The following MAD1L1 variants were observed in gnomAD, a reference collection of about 807,000 sequenced individuals.
The protein encoded by MAD1L1 is mitotic spindle assembly checkpoint protein MAD1.
MAD1L1 carries 95 observed loss-of-function variants against 96.9 expected under a neutral mutation model. The observed-to-expected ratio is 0.98, with a 90% CI of 0.83 to 1.16. The LOEUF (loss-of-function observed/expected upper bound fraction) is 1.16, where lower values mean the gene tolerates loss of function less well. Among genes scored for constraint, MAD1L1 ranks in the 50% most tolerant of loss-of-function variants. The pLI, the probability that MAD1L1 is intolerant of heterozygous loss-of-function variation, is 0.00. For synonymous variants in MAD1L1, 473 were observed against 396.6 expected, an observed-to-expected ratio of 1.19 and a Z score of -2.29; for missense variants, 1,007 against 954.4, an observed-to-expected ratio of 1.06 and a Z score of -0.73.
At chr7:2,169,006 A>C (rs543602037) in intron 10 of MAD1L1, among the ~76,000 whole-genome samples, 1 of 152,320 alleles carries the variant, frequency 6.6e-6, no homozygotes, top group African/African-American at 2.4e-5. Flanking sequence ...TGAGTTACTA[A>C]ATGTGTTTTA....
chr7:2,122,003 T>G (rs1234346163), intron 11 of MAD1L1, among the ~76,000 whole-genome samples: 14 of 151,916 alleles, frequency 9.2e-5, no homozygotes, highest in Admixed American at 9.2e-4. Context: ...GTGTTAAAAG[T>G]AGCTTCTGGG....
chr7:2,016,935 C>T (rs917057540), intron 12 of MAD1L1, among the ~76,000 whole-genome samples: 4 of 152,272 alleles, frequency 2.6e-5, no homozygotes, highest in Non-Finnish European at 4.4e-5. Flanking sequence ...AGTACCAACG[C>T]GCGGACGCCG....
At chr7:2,053,219 G>A (rs772519374) in intron 12 of MAD1L1, among the ~76,000 whole-genome samples, 13 of 152,238 alleles carry the variant, frequency 8.5e-5, no homozygotes, top group Non-Finnish European at 1.5e-4. Flanking sequence ...CTACCTGGTA[G>A]CAGGCCCTTC....
At chr7:2,054,283 A>G (rs1458635521) in intron 12 of MAD1L1, among the ~76,000 whole-genome samples, 1 of 152,208 alleles carries the variant, frequency 6.6e-6, no homozygotes, top group Non-Finnish European at 1.5e-5. Flanking sequence ...TCCAAACTCC[A>G]CGCACCTGAG....
At chr7:2,053,971 C>G (rs1390063308) in intron 12 of MAD1L1, among the ~76,000 whole-genome samples, 1 of 152,250 alleles carries the variant, frequency 6.6e-6, no homozygotes, top group African/African-American at 2.4e-5. Flanking sequence ...GATGACACAC[C>G]TGCCACCAGC....
intron 14 of MAD1L1, among the ~76,000 whole-genome samples, chr7:2,000,369 C>A (rs1781738366): frequency 6.6e-6 from 1 of 152,192 alleles, no homozygotes; most frequent in Admixed American, 6.5e-5. Flanking sequence ...AGCAGCCAGG[C>A]ATCCTTTACG....
intron 10 of MAD1L1, among the ~76,000 whole-genome samples, chr7:2,201,082 C>T (rs927000492): frequency 6.6e-6 from 1 of 152,146 alleles, no homozygotes; most frequent in African/African-American, 2.4e-5. Context: ...CCCAGGTGAT[C>T]CTGTAGAGGT....
chr7:2,104,172 T>C (rs1321610774), intron 11 of MAD1L1, among the ~76,000 whole-genome samples: 1 of 152,056 alleles, frequency 6.6e-6, no homozygotes, highest in Non-Finnish European at 1.5e-5. Flanking sequence ...GGGCCTCCAT[T>C]TGGGGAACCA....
intron 18 of MAD1L1, among the ~76,000 whole-genome samples, chr7:1,824,227 C>T (rs1306399109): frequency 6.6e-6 from 1 of 152,178 alleles, no homozygotes; most frequent in Non-Finnish European, 1.5e-5. Context: ...CCTCTTACAC[C>T]ACCTGCTTGT....
At chr7:1,898,456 G>A (rs1310968459) in intron 17 of MAD1L1, 66 bp from the exon 18 acceptor site, 19 of 1,451,026 alleles carry the variant, frequency 1.3e-5, no homozygotes, top group East Asian at 2.3e-5. Flanking sequence ...ACCCGGGAGC[G>A]GCCAGGGCAG....
intron 10 of MAD1L1, among the ~76,000 whole-genome samples, chr7:2,206,069 T>C (rs1372012092): frequency 1.3e-5 from 2 of 152,090 alleles, no homozygotes; most frequent in Non-Finnish European, 2.9e-5. Flanking sequence ...GAGGCGGAGG[T>C]TGCAGTGAGC....
intron 18 of MAD1L1, among the ~76,000 whole-genome samples, chr7:1,856,021 G>T (rs1034603387): frequency 6.6e-6 from 1 of 152,162 alleles, no homozygotes; most frequent in Non-Finnish European, 1.5e-5. Context: ...GCGCTCACGT[G>T]GGGTGCGGTG....
intron 12 of MAD1L1, among the ~76,000 whole-genome samples, chr7:2,043,132 AG>A (rs962016387): frequency 1.3e-4 from 20 of 151,548 alleles, no homozygotes; most frequent in Non-Finnish European, 2.4e-4. Flanking sequence ...ATGCAGTGTA[AG>A]GGGGGGCCTG....
intron 10 of MAD1L1, among the ~76,000 whole-genome samples, chr7:2,159,024 G>GA (rs1789973208): frequency 6.6e-6 from 1 of 152,204 alleles, no homozygotes; most frequent in Admixed American, 6.5e-5. Context: ...CCACATGGCA[G>GA]ACGATGCCAC....
Position 2,017,775 on chromosome 7 carries a change from C to A in MAD1L1, c.1219-3133G>T, listed in dbSNP as rs548437756. Among the ~76,000 whole-genome samples, 3 of 152,318 alleles carry A rather than the reference C, an allele frequency of 2.0e-5. No individual in the cohort carries two copies. In the South Asian group the frequency reaches 6.2e-4, roughly 32 times the overall value. The stretch of plus-strand genomic sequence containing the variant: ...ATAAGCCCCAAGCATGCCGATGATT[C>A]CCACGCAATGAGAGACAGATTCCCA... On this transcript the variant is annotated intron_variant, in intron 12 of 18. Coordinates refer to ENST00000265854, the MANE Select transcript of MAD1L1 (RefSeq NM_001013836.2).
intron 12 of MAD1L1, among the ~76,000 whole-genome samples, chr7:2,023,812 G>A (rs1034691268): frequency 6.6e-6 from 1 of 152,044 alleles, no homozygotes; most frequent in African/African-American, 2.4e-5. Flanking sequence ...AGCCAGGCGT[G>A]GTGGCAGGTA....
At chr7:2,214,981 C>A (rs920748573) in intron 9 of MAD1L1, among the ~76,000 whole-genome samples, 14 of 152,204 alleles carry the variant, frequency 9.2e-5, no homozygotes, top group African/African-American at 3.4e-4. Flanking sequence ...CCTGTCATCT[C>A]AGCACTTTGG....
rs370444780 is a variant in MAD1L1 at position 1,957,738 on chromosome 7, G to A, written c.1506-19C>T. 9.4e-5 allele frequency: 151 copies of A among 1,612,802 alleles called. 1 individual carries two copies. Among genetic ancestry groups the A allele is most frequent in the African/African-American group, 3.3e-4 (25 of 75,044 alleles). ...CTTCAACCTGCAAGGACAGCAAGAC[G>A]GTGACCAGGTGTCCGAGGCCAGCCA... is the stretch of plus-strand genomic sequence containing the variant. On this transcript the variant is annotated intron_variant, in intron 15 of 18. Transcript: ENST00000265854.
At chr7:1,952,494 G>A (rs1779544230) in intron 16 of MAD1L1, among the ~76,000 whole-genome samples, 1 of 152,198 alleles carries the variant, frequency 6.6e-6, no homozygotes, top group Non-Finnish European at 1.5e-5. Context: ...CTCGCTGTAT[G>A]ACTCCCACAG....
Sources: allele counts gnomAD v4.1 joint callset (sites outside exome capture counted in the v4.1 genomes callset), GRCh38; gene constraint gnomAD v4.1.1; transcripts MANE v1.5; gene names NCBI Gene and HGNC (gene_info 2026-07-23, HGNC 2026-07-21).